FRMD4A: variants seen among roughly 807,000 people sequenced by gnomAD.
The protein encoded by FRMD4A is FERM domain-containing protein 4A.
FRMD4A carries 29 observed loss-of-function variants against 129.1 expected under a neutral mutation model. That is an observed-to-expected ratio of 0.22 (90% confidence interval 0.17 to 0.31). The LOEUF (loss-of-function observed/expected upper bound fraction) is 0.31. Among genes scored for constraint, FRMD4A ranks in the 10% least tolerant of loss-of-function variants. The pLI, the probability that FRMD4A is intolerant of heterozygous loss-of-function variation, is 1.00. For synonymous variants in FRMD4A, 634 were observed against 571.6 expected (o/e 1.11, Z -1.56); for missense variants, 1,272 against 1,375.8 (o/e 0.92, Z 1.19).
intron 2 of FRMD4A, among the ~76,000 whole-genome samples, chr10:14,010,857 G>C (rs544659313): frequency 6.6e-6 from 1 of 151,994 alleles, no homozygotes; most frequent in African/African-American, 2.4e-5. Context: ...CCCCGGAAGG[G>C]ATATGCATTC....
At chr10:13,880,136 T>C (rs1167741663) in intron 2 of FRMD4A, among the ~76,000 whole-genome samples, 1 of 152,030 alleles carries the variant, frequency 6.6e-6, no homozygotes, top group East Asian at 1.9e-4. Flanking sequence ...AGAATTATGC[T>C]CAAAACTGCC....
In FRMD4A at chr10:13,737,827, C is replaced by G; in HGVS notation, c.759+17G>C. ...GGATCTGAGAGGAGTTAAACCCAAG[C>G]AGGAGACCAGCCTTACCTTTCTTGG... On this transcript the variant is annotated intron_variant, in intron 12 of 24. Transcript: ENST00000357447. The G allele has an allele frequency of 7.0e-7, 1 of 1,434,240 alleles. No individual in the cohort carries two copies. The highest frequency in any genetic ancestry group is 9.8e-7 in the Non-Finnish European group (1 of 1,016,476). 88.8% of individuals were successfully genotyped at this position (1,434,240 alleles called of 1,614,324 possible).
Position 13,689,609 on chromosome 10 carries a change from G to C in FRMD4A, c.1117+4289C>G, listed in dbSNP as rs149094558. ...CTCTGTCACCTAGGCTGTTAGTATA[G>C]TGATACCATCATAGCTCACTACAGC... On this transcript the variant is annotated intron_variant, in intron 15 of 24. Coordinates refer to ENST00000357447, the MANE Select transcript of FRMD4A (RefSeq NM_018027.5). Among the ~76,000 whole-genome samples the C allele has an allele frequency of 9.6e-3, 1,377 of 143,802 alleles. 30 individuals are homozygous for C. Among genetic ancestry groups the C allele is most frequent in the African/African-American group, 0.033 (1,272 of 38,094 alleles). The allele number at this position is 143,802 out of a possible 152,430, so 94.3% of individuals were successfully genotyped here. A position where few individuals can be genotyped will look rare whatever the true frequency, so the allele number is the denominator to read the frequency against.
At chr10:13,772,831 G>A (rs1292412861) in intron 6 of FRMD4A, among the ~76,000 whole-genome samples, 1 of 152,132 alleles carries the variant, frequency 6.6e-6, no homozygotes, top group African/African-American at 2.4e-5. Context: ...GGGAGAGGTG[G>A]GGATCGTTAA....
intron 2 of FRMD4A, among the ~76,000 whole-genome samples, chr10:14,026,766 T>C (rs576474972): frequency 1.5e-3 from 226 of 152,306 alleles, no homozygotes; most frequent in African/African-American, 5.3e-3. Context: ...AAACTATAGC[T>C]GCCCTGAAGG....
chr10:14,272,413 C>T (rs1344025377), intron 2 of FRMD4A, among the ~76,000 whole-genome samples: 1 of 152,154 alleles, frequency 6.6e-6, no homozygotes, highest in African/African-American at 2.4e-5. Context: ...AATCTATGAC[C>T]GTCATCCCTT....
chr10:14,075,158 C>T (rs1423825593), intron 2 of FRMD4A, among the ~76,000 whole-genome samples: 2 of 152,152 alleles, frequency 1.3e-5, no homozygotes, highest in Non-Finnish European at 2.9e-5. Context: ...GTTACAATCA[C>T]ATTTACATAA....
chr10:13,955,775 T>G (rs1565108348), intron 2 of FRMD4A, among the ~76,000 whole-genome samples: 1 of 152,232 alleles, frequency 6.6e-6, no homozygotes, highest in South Asian at 2.1e-4. Flanking sequence ...GTGTTCCATA[T>G]GTGGAGATAA....
At chr10:14,100,706 C>CATAT (rs144631125) in intron 2 of FRMD4A, among the ~76,000 whole-genome samples, 2 of 150,012 alleles carry the variant, frequency 1.3e-5, no homozygotes, top group African/African-American at 4.9e-5. Flanking sequence ...GAAAATAGAA[C>CATAT]ATATATATAT....
intron 11 of FRMD4A, 71 bp downstream of exon 11, chr10:13,740,123 C>T (rs1564722008): frequency 7.9e-6 from 7 of 881,258 alleles, no homozygotes; most frequent in Non-Finnish European, 1.1e-5. Context: ...AAGAAGAAAA[C>T]ATATAACGAG....
intron 15 of FRMD4A, among the ~76,000 whole-genome samples, chr10:13,679,470 T>TACACACAC (rs1418974108): frequency 1.0e-4 from 2 of 19,978 alleles, no homozygotes; most frequent in Non-Finnish European, 1.7e-4. Flanking sequence ...AATATATATA[T>TACACACAC]ATATACACAC....
At position 13,645,369 on chromosome 10, in the gene FRMD4A, T is replaced by TCCCCCCCCCC. The variant is rs1482104456; in HGVS notation, c.*1668_*1669insGGGGGGGGGG. The TCCCCCCCCCC allele has an allele frequency of 1.3e-5, 1 of 75,092 alleles. No homozygotes were observed. The highest frequency in any genetic ancestry group is 2.7e-5 in the Non-Finnish European group (1 of 37,394). 4.7% of individuals were successfully genotyped at this position (75,092 alleles called of 1,614,324 possible). On this transcript the variant is annotated 3_prime_UTR_variant, in exon 25 of 25. Coordinates refer to ENST00000357447, the MANE Select transcript of FRMD4A (RefSeq NM_018027.5). ...AGAAAAAAATTCCACCCCCACCCCA[T>TCCCCCCCCCC]CCCCCCACCACTTGCGCCAAAAGCA...
At chr10:13,684,326 G>A (rs1452872747) in intron 15 of FRMD4A, 7 of 985,106 alleles carry the variant, frequency 7.1e-6, no homozygotes, top group Non-Finnish European at 7.2e-6. Flanking sequence ...CTCACGCCAA[G>A]TCAGAAAGTC....
intron 12 of FRMD4A, among the ~76,000 whole-genome samples, chr10:13,720,772 G>C (rs2089339174): frequency 1.3e-5 from 2 of 152,188 alleles, no homozygotes; most frequent in African/African-American, 4.8e-5. Flanking sequence ...GCAGCTATGT[G>C]AGGGAAAAGG....
chr10:13,760,921 G>A (rs901967389), intron 8 of FRMD4A, among the ~76,000 whole-genome samples: 6 of 145,668 alleles, frequency 4.1e-5, no homozygotes, highest in African/African-American at 1.5e-4. Flanking sequence ...CAGGAATAAC[G>A]ACTATCTTTG....
At chr10:13,959,797 C>A (rs1003605711) in intron 2 of FRMD4A, among the ~76,000 whole-genome samples, 5 of 152,198 alleles carry the variant, frequency 3.3e-5, no homozygotes, top group Admixed American at 2.0e-4. Context: ...CCCTGCAACA[C>A]GGGGTCAGCT....
intron 2 of FRMD4A, among the ~76,000 whole-genome samples, chr10:14,045,686 A>T (rs1833959931): frequency 6.8e-6 from 1 of 146,664 alleles, no homozygotes; most frequent in Non-Finnish European, 1.5e-5. Context: ...ATTATATTAT[A>T]TATGATATAA....
rs943234158 is a variant in FRMD4A, at chr10:14,317,593, C to A, written c.45+12465G>T. 3.9e-5 allele frequency among the ~76,000 whole-genome samples: 6 copies of A among 152,104 alleles called. No homozygotes were observed. In the South Asian group the frequency reaches 1.2e-3, roughly 32 times the overall value. ...GGTATTTACACACATATCCACATAT[C>A]CTCAGCACATACCACAATATCTCTG... On this transcript the variant is annotated intron_variant, in intron 2 of 24. Coordinates refer to ENST00000357447, the MANE Select transcript of FRMD4A (RefSeq NM_018027.5).
intron 2 of FRMD4A, among the ~76,000 whole-genome samples, chr10:14,015,932 A>G (rs979484582): frequency 1.3e-5 from 2 of 152,210 alleles, no homozygotes; most frequent in African/African-American, 2.4e-5. Flanking sequence ...CAGGGTCACA[A>G]TGAGAGGCTC....
Sources: allele counts gnomAD v4.1 joint callset (sites outside exome capture counted in the v4.1 genomes callset), GRCh38; gene constraint gnomAD v4.1.1; transcripts MANE v1.5; gene names NCBI Gene and HGNC (gene_info 2026-07-23, HGNC 2026-07-21).